Variants in KCTD13 observed in about 807,000 individuals in gnomAD.
The protein encoded by KCTD13 is potassium channel tetramerization domain containing 13.
A neutral mutation model predicts 32.3 loss-of-function variants in KCTD13; 15 were observed. The observed-to-expected ratio is 0.46, with a 90% CI of 0.31 to 0.71. The LOEUF (loss-of-function observed/expected upper bound fraction) is 0.71. KCTD13 is among the 30% of genes least tolerant of loss of function. The probability of loss-of-function intolerance (pLI) is 0.05; values close to 1 mark genes in which losing one functional copy is unlikely to be tolerated. For missense variants in KCTD13, 337 were observed against 452.6 expected (o/e 0.74, Z 2.32); for synonymous variants, 189 against 200.1 (o/e 0.94, Z 0.47).
chr16:29,911,007 C>A lies in KCTD13; in HGVS notation c.724G>T (p.Val242Phe). 1 of 1,614,134 alleles carries A rather than the reference C, an allele frequency of 6.2e-7. No homozygotes were observed. Among genetic ancestry groups the A allele is most frequent in the Non-Finnish European group, 8.5e-7 (1 of 1,180,002 alleles). The stretch of plus-strand genomic sequence containing the variant: ...GTCTGCTTCTTCTCCGTAGCATAGA[C>A]AATGGAGGTGCAGCACACCTCGGCG... ...KIAEVCCTSI[V>F]YATEKKQTKV... Residue 242 changes from valine (V) to phenylalanine (F), a missense_variant, in exon 5 of 6, where the codon GTC becomes TTC. Physicochemically the swap from Val to Phe is conservative, Grantham distance 50. Coordinates refer to ENST00000568000, the MANE Select transcript of KCTD13 (RefSeq NM_178863.5).
In KCTD13 at chr16:29,906,776, T is replaced by G; in HGVS notation, c.*96A>C. ...GAAGGGACAGAGGAGGACCCACGAC[T>G]TGGCCAGCAGAGCCGGGGCAAAAGT... is the stretch of plus-strand genomic sequence containing the variant. On this transcript the variant is annotated 3_prime_UTR_variant, in exon 6 of 6. Transcript: ENST00000568000. 1 of 1,084,978 alleles carries G rather than the reference T, an allele frequency of 9.2e-7. No individual in the cohort carries two copies. The highest frequency in any genetic ancestry group is 1.4e-6 in the Non-Finnish European group (1 of 736,248). The allele number at this position is 1,084,978 out of a possible 1,614,324, so 67.2% of individuals were successfully genotyped here. A position where few individuals can be genotyped will look rare whatever the true frequency, so the allele number is the denominator to read the frequency against.
At chr16:29,915,635 AAAG>A (rs938827514) in intron 2 of KCTD13, among the ~76,000 whole-genome samples, 1 of 152,014 alleles carries the variant, frequency 6.6e-6, no homozygotes, top group Non-Finnish European at 1.5e-5. Context: ...GAAAAAGAAA[AAAG>A]AAAATCTCTG....
intron 2 of KCTD13, chr16:29,912,274 G>A (rs114467848): frequency 5.7e-5 from 33 of 577,988 alleles, no homozygotes; most frequent in Non-Finnish European, 9.0e-5. Context: ...TGCCTGCCCC[G>A]GCCACTGGCT....
At chr16:29,911,786 C>T (rs779616099) in intron 4 of KCTD13, 29 bp downstream of exon 4, 4 of 1,610,942 alleles carry the variant, frequency 2.5e-6, no homozygotes, top group Non-Finnish European at 3.4e-6. Flanking sequence ...CCCAGGGTCC[C>T]GCCCAGTGCC....
At position 29,906,920 on chromosome 16, in the gene KCTD13, G is replaced by A. The variant is rs1254663152; in HGVS notation, c.942C>T (p.Ile314=). 1 of 1,614,160 alleles carries A rather than the reference G, an allele frequency of 6.2e-7. No homozygotes were observed. Residue 314 remains isoleucine (I), a synonymous_variant, in exon 6 of 6, where the codon ATC becomes ATT. Transcript: ENST00000568000. The part of the protein sequence containing the change: ...RVRRIHVRRH[I]THDERPHGQQ... ...GGCCATGAGGACGCTCGTCGTGGGT[G>A]ATATGGCGCCGGACATGGATCCTGC...
chr16:29,922,714 G>T (rs1478346700), intron 2 of KCTD13: 1 of 314,334 alleles, frequency 3.2e-6, no homozygotes, highest in Non-Finnish European at 5.7e-6. Context: ...GAATTTCACT[G>T]TTTAAAAAAA....
chr16:29,909,050 G>C (rs1032046948), intron 5 of KCTD13, among the ~76,000 whole-genome samples: 7 of 151,168 alleles, frequency 4.6e-5, no homozygotes, highest in South Asian at 4.2e-4. Context: ...CTGGGTCACT[G>C]ATTCATTCAT....
At chr16:29,909,497 T>C (rs1460233663) in intron 5 of KCTD13, among the ~76,000 whole-genome samples, 1 of 152,070 alleles carries the variant, frequency 6.6e-6, no homozygotes, top group Non-Finnish European at 1.5e-5. Context: ...GGGCTTGTAT[T>C]TTGCTCAGCA....
intron 2 of KCTD13, chr16:29,919,575 T>G (rs1274642407): frequency 6.6e-6 from 1 of 152,158 alleles, no homozygotes; most frequent in African/African-American, 2.4e-5. Flanking sequence ...CCTGGTTTGA[T>G]GAACCAGCTG....
intron 1 of KCTD13, among the ~76,000 whole-genome samples, chr16:29,923,888 A>G (rs917237380): frequency 1.3e-5 from 2 of 151,076 alleles, no homozygotes; most frequent in African/African-American, 4.9e-5. Flanking sequence ...AAGTAAAGAA[A>G]AGAAGGCCGG....
intron 1 of KCTD13, among the ~76,000 whole-genome samples, chr16:29,923,803 G>A (rs1231409919): frequency 6.6e-6 from 1 of 151,940 alleles, no homozygotes; most frequent in Non-Finnish European, 1.5e-5. Flanking sequence ...GCAGTGAGCC[G>A]AGATCGCGCC....
At chr16:29,919,755 A>G (rs1157830021) in intron 2 of KCTD13, 2 of 152,166 alleles carry the variant, frequency 1.3e-5, no homozygotes, top group African/African-American at 2.4e-5. Context: ...ACACACACAC[A>G]CACATACTCT....
rs1309312570 is a variant in KCTD13 at position 29,906,745 on chromosome 16, T to C, written c.*127A>G. On this transcript the variant is annotated 3_prime_UTR_variant, in exon 6 of 6. Coordinates refer to ENST00000568000, the MANE Select transcript of KCTD13 (RefSeq NM_178863.5). ...AGAAGGGCCAAAGTGAGCTGTGCCA[T>C]GCAATGAAGGGACAGAGGAGGACCC... The C allele has an allele frequency of 2.7e-6, 2 of 748,332 alleles. No individual in the cohort carries two copies. The highest frequency in any genetic ancestry group is 3.3e-5 in the South Asian group (2 of 61,178). The allele number at this position is 748,332 out of a possible 1,614,324, so 46.4% of individuals were successfully genotyped here. A position where few individuals can be genotyped will look rare whatever the true frequency, so the allele number is the denominator to read the frequency against.
At chr16:29,917,766 G>A (rs1386197021) in intron 2 of KCTD13, among the ~76,000 whole-genome samples, 2 of 151,652 alleles carry the variant, frequency 1.3e-5, no homozygotes, top group South Asian at 2.1e-4. Context: ...GCAATAGAGT[G>A]AGACTCCATT....
chr16:29,908,471 A>G (rs8050576), intron 5 of KCTD13, among the ~76,000 whole-genome samples: 79,391 of 151,870 alleles, frequency 0.52, 21,065 homozygotes, highest in Non-Finnish European at 0.56. Context: ...TGCAACCTCC[A>G]CTTCCCAAGT....
intron 2 of KCTD13, chr16:29,922,477 A>G (rs2150845152): frequency 6.5e-6 from 1 of 152,704 alleles, no homozygotes; most frequent in East Asian, 1.9e-4. Context: ...GTCTTTCGGA[A>G]CCCGAGGACA....
chr16:29,911,740 G>A (rs1171040348), intron 4 of KCTD13, 75 bp downstream of exon 4: 7 of 1,529,442 alleles, frequency 4.6e-6, no homozygotes, highest in Admixed American at 1.7e-5. Context: ...TGTGGCCGTG[G>A]CCCTCGCCTT....
rs756803410 is a variant in KCTD13 at position 29,925,923 on chromosome 16, G to A, written c.111C>T (p.Thr37=). Residue 37 remains threonine, a synonymous_variant, in exon 1 of 6, where the codon ACC becomes ACT. Coordinates refer to ENST00000568000, the MANE Select transcript of KCTD13 (RefSeq NM_178863.5). ...TCAGCTTCACGTATTTGCTGTTCGG[G>A]GTCAGCGGCTTGAGACCGTAGGCGG... ...GPAAYGLKPL[T]PNSKYVKLNV... is the part of the protein sequence containing the mutation. 4.3e-6 allele frequency: 7 copies of A among 1,613,936 alleles called. No individual in the cohort carries two copies. The highest frequency in any genetic ancestry group is 5.9e-6 in the Non-Finnish European group (7 of 1,179,954).
At chr16:29,920,759 AG>A (rs1178008166) in intron 2 of KCTD13, 1 of 152,246 alleles carries the variant, frequency 6.6e-6, no homozygotes, top group Admixed American at 6.5e-5. Flanking sequence ...GAGGACATGC[AG>A]AAATGTAATC....
Sources: allele counts gnomAD v4.1 joint callset (sites outside exome capture counted in the v4.1 genomes callset), GRCh38; gene constraint gnomAD v4.1.1; transcripts MANE v1.5; gene names NCBI Gene and HGNC (gene_info 2026-07-23, HGNC 2026-07-21).